Variants in XKR9 observed in about 807,000 individuals in gnomAD.
XKR9 encodes XK related 9.
In XKR9, 32 loss-of-function variants were observed where a neutral mutation model predicts 32.0. The ratio of observed to expected loss-of-function variants is 1.00; its 90% CI spans 0.76 to 1.34. The LOEUF is 1.34. XKR9 is among the 40% of genes most tolerant of loss of function. XKR9 has a pLI of 0.00. For synonymous variants in XKR9, 168 were observed against 143.4 expected, an observed-to-expected ratio of 1.17 and a Z score of -1.22; for missense variants, 546 against 429.7, an observed-to-expected ratio of 1.27 and a Z score of -2.39.
At chr8:70,955,353 T>G in the XKR9 span, among the ~76,000 whole-genome samples, 3 of 152,326 alleles carry the variant, frequency 2.0e-5, no homozygotes, top group South Asian at 4.1e-4. Context: ...TGGGGAGGCC[T>G]ATTATATACT....
the XKR9 span, among the ~76,000 whole-genome samples, chr8:71,010,853 C>T: frequency 2.0e-5 from 3 of 152,116 alleles, no homozygotes. Context: ...AACAGATGTC[C>T]TCATGAATCT....
At chr8:70,745,595 G>C (rs1192044033) in intron 2 of XKR9, among the ~76,000 whole-genome samples, 2 of 152,098 alleles carry the variant, frequency 1.3e-5, no homozygotes, top group Non-Finnish European at 2.9e-5. Flanking sequence ...GTTTAAAAAA[G>C]TTCCCGGATG....
intron 4 of XKR9, among the ~76,000 whole-genome samples, chr8:70,710,920 TAAAC>T (rs1013664968): frequency 5.3e-5 from 8 of 152,046 alleles, no homozygotes; most frequent in East Asian, 1.9e-4. Context: ...ATAAGGAACT[TAAAC>T]AAATCAAGCA....
chr8:70,788,699 A>T (rs1193846831), intron 2 of XKR9, among the ~76,000 whole-genome samples: 1 of 152,160 alleles, frequency 6.6e-6, no homozygotes, highest in East Asian at 1.9e-4. Context: ...TCTAGAAAGT[A>T]TAGCTTTTTG....
chr8:70,862,698 AAT>A, the XKR9 span, among the ~76,000 whole-genome samples: 2 of 152,006 alleles, frequency 1.3e-5, no homozygotes, highest in African/African-American at 4.8e-5. Flanking sequence ...GTGAAGAATA[AAT>A]ATGTGTCTGT....
the XKR9 span, among the ~76,000 whole-genome samples, chr8:71,060,785 T>C: frequency 3.9e-5 from 6 of 152,234 alleles, no homozygotes; most frequent in Non-Finnish European, 7.3e-5. Flanking sequence ...AGTACCCTTG[T>C]TGTTCCTATT....
intron 2 of XKR9, among the ~76,000 whole-genome samples, chr8:70,769,133 A>G (rs1440458447): frequency 6.6e-6 from 1 of 152,118 alleles, no homozygotes; most frequent in Non-Finnish European, 1.5e-5. Context: ...GGTAGTGACA[A>G]AATCCCTTAG....
the XKR9 span, among the ~76,000 whole-genome samples, chr8:70,944,451 C>A: frequency 1.3e-5 from 2 of 152,064 alleles, no homozygotes; most frequent in Non-Finnish European, 2.9e-5. Context: ...GGAAAAATTA[C>A]CAAGAAAGAG....
At chr8:70,743,332 A>G (rs1807014683) in intron 2 of XKR9, among the ~76,000 whole-genome samples, 1 of 152,170 alleles carries the variant, frequency 6.6e-6, no homozygotes, top group South Asian at 2.1e-4. Context: ...TCATATTTAA[A>G]ATAGCTGCTT....
chr8:70,825,630 T>C, the XKR9 span, among the ~76,000 whole-genome samples: 1 of 152,148 alleles, frequency 6.6e-6, no homozygotes, highest in Non-Finnish European at 1.5e-5. Context: ...AGTTATTTCA[T>C]GGGACCACCC....
chr8:70,785,722 T>C (rs1429917807), intron 2 of XKR9, among the ~76,000 whole-genome samples: 1 of 97,602 alleles, frequency 1.0e-5, no homozygotes, highest in Admixed American at 9.8e-5. Flanking sequence ...TTTTTTGCTC[T>C]CTCTCTCTCT....
chr8:71,019,344 G>A, the XKR9 span, among the ~76,000 whole-genome samples: 4 of 152,176 alleles, frequency 2.6e-5, no homozygotes, highest in Non-Finnish European at 5.9e-5. Context: ...AGGAAATCTA[G>A]TTCTTAATTT....
the XKR9 span, among the ~76,000 whole-genome samples, chr8:71,060,098 A>G: frequency 6.6e-6 from 1 of 152,220 alleles, no homozygotes. Context: ...TGCTGGGACC[A>G]TAGAGAGTGT....
the XKR9 span, among the ~76,000 whole-genome samples, chr8:70,796,252 C>T: frequency 2.1e-4 from 32 of 152,166 alleles, no homozygotes; most frequent in African/African-American, 7.2e-4. Flanking sequence ...CTGTTATTCC[C>T]TTCTCTTTGT....
At chr8:70,811,088 G>A in the XKR9 span, among the ~76,000 whole-genome samples, 1 of 152,132 alleles carries the variant, frequency 6.6e-6, no homozygotes, top group Non-Finnish European at 1.5e-5. Flanking sequence ...ATAACAAACT[G>A]TCTCACAGAC....
the XKR9 span, among the ~76,000 whole-genome samples, chr8:70,826,238 C>G: frequency 6.6e-6 from 1 of 152,052 alleles, no homozygotes; most frequent in Non-Finnish European, 1.5e-5. Flanking sequence ...TATAGCCTCC[C>G]AAGTGTGGAC....
At chr8:70,790,011 C>T (rs543676257) in intron 3 of XKR9, 1 of 151,418 alleles carries the variant, frequency 6.6e-6, no homozygotes, top group Non-Finnish European at 1.5e-5. Flanking sequence ...GCTATACTCA[C>T]TGTGCTCATT....
chr8:70,702,281 A>G (rs1805565957), intron 3 of XKR9, among the ~76,000 whole-genome samples: 2 of 152,140 alleles, frequency 1.3e-5, no homozygotes, highest in Non-Finnish European at 2.9e-5. Flanking sequence ...AATTTATTAT[A>G]ATAACATACT....
intron 3 of XKR9, among the ~76,000 whole-genome samples, chr8:70,688,951 C>A (rs1449260418): frequency 2.0e-5 from 3 of 152,008 alleles, no homozygotes; most frequent in Admixed American, 2.0e-4. Context: ...ATGGGGAAAG[C>A]CTTTGTAACC....
Sources: allele counts gnomAD v4.1 joint callset (sites outside exome capture counted in the v4.1 genomes callset), GRCh38; gene constraint gnomAD v4.1.1; transcripts MANE v1.5; gene names NCBI Gene and HGNC (gene_info 2026-07-23, HGNC 2026-07-21).